Variants in UPK1A observed in about 807,000 individuals in gnomAD.
The protein encoded by UPK1A is uroplakin-1a.
A neutral mutation model predicts 32.3 loss-of-function variants in UPK1A; 31 were observed. The observed-to-expected ratio is 0.96, with a 90% CI of 0.72 to 1.30. The LOEUF is 1.30. Ranked by LOEUF, UPK1A falls within the 50% of genes most tolerant of loss-of-function variation. The pLI, the probability that UPK1A is intolerant of heterozygous loss-of-function variation, is 0.00. For missense variants in UPK1A, 340 were observed against 357.4 expected (o/e 0.95, Z 0.39); for synonymous variants, 135 against 137.1 (o/e 0.98, Z 0.11).
chr19:35,666,631 C>A, intron 1 of UPK1A, 93 bp downstream of exon 1: 2 of 606,190 alleles, frequency 3.3e-6, no homozygotes, highest in Admixed American at 2.9e-5. Context: ...ACTGCCCCAC[C>A]GGAGCCCGGG....
intron 6 of UPK1A, among the ~76,000 whole-genome samples, chr19:35,676,939 G>C (rs1968190589): frequency 6.6e-6 from 1 of 151,698 alleles, no homozygotes; most frequent in Non-Finnish European, 1.5e-5. Context: ...CAAAACAATA[G>C]AGCTAGGCAC....
exon 8 of UPK1A, chr19:35,678,056 T>A: frequency 6.6e-7 from 1 of 1,525,590 alleles, no homozygotes; most frequent in Non-Finnish European, 8.8e-7. Flanking sequence ...CACCCCGGAC[T>A]CCTCCGCATC....
At position 35,666,795 on chromosome 19, in the gene UPK1A, C is replaced by G. The variant is rs1326920202; in HGVS notation, c.-4-14C>G. 1.9e-6 allele frequency: 3 copies of G among 1,613,472 alleles called. No individual in the cohort carries two copies. The highest frequency in any genetic ancestry group is 1.6e-4 in the Middle Eastern group (1 of 6,084). On this transcript the variant is annotated splice_polypyrimidine_tract_variant and intron_variant, in intron 1 of 7. Transcript: ENST00000617999. ...CTTTACGCTCCTGGCCTCATCCCTG[C>G]TCATGTGTCCCAGGATGATGGCGTC... is the stretch of plus-strand genomic sequence containing the variant.
At chr19:35,669,499 TAAA>T (rs34854874) in intron 3 of UPK1A, among the ~76,000 whole-genome samples, 2 of 116,256 alleles carry the variant, frequency 1.7e-5, no homozygotes, top group Non-Finnish European at 3.6e-5. Flanking sequence ...ATCCCATCTC[TAAA>T]AAAAAAAAAA....
exon 1 of UPK1A, chr19:35,666,526 G>A: frequency 2.3e-6 from 1 of 443,978 alleles, no homozygotes. Flanking sequence ...CAGAGAGGCT[G>A]CAGACAGAGA....
intron 2 of UPK1A, 102 bp downstream of exon 2, chr19:35,666,998 C>A: frequency 8.3e-7 from 1 of 1,201,820 alleles, no homozygotes; most frequent in Non-Finnish European, 1.2e-6. Flanking sequence ...GTCTCTCGGG[C>A]AGACTCAGTG....
intron 5 of UPK1A, among the ~76,000 whole-genome samples, chr19:35,674,045 G>GC (rs142081733): frequency 0.082 from 12,397 of 150,498 alleles, 580 homozygotes; most frequent in South Asian, 0.2. Context: ...ATACAGGTGC[G>GC]CCCCACCACA....
rs548931798 is a variant in UPK1A at position 35,677,091 on chromosome 19, G to T, written c.649-721G>T. 2.6e-5 allele frequency among the ~76,000 whole-genome samples: 4 copies of T among 152,076 alleles called. No individual in the cohort carries two copies. The East Asian group carries it at 7.8e-4, about 29-fold the overall frequency. ...TACAGAAAATTAGCCAGGCGTGGTGGTGCGCGCCTGTAATCCCAGCTACTG... is the reference window on the plus strand; with the variant it reads ...TACAGAAAATTAGCCAGGCGTGGTGTTGCGCGCCTGTAATCCCAGCTACTG... On this transcript the variant is annotated intron_variant, in intron 6 of 7. Transcript: ENST00000617999.
At chr19:35,667,719 C>A (rs1237084873) in intron 2 of UPK1A, among the ~76,000 whole-genome samples, 1 of 152,018 alleles carries the variant, frequency 6.6e-6, no homozygotes, top group African/African-American at 2.4e-5. Flanking sequence ...GTCTTGAACT[C>A]CTGACCTGAG....
intron 3 of UPK1A, 50 bp from the exon 4 acceptor site, chr19:35,673,182 G>A (rs1345044257): frequency 6.3e-7 from 1 of 1,588,352 alleles, no homozygotes; most frequent in Non-Finnish European, 8.6e-7. Context: ...CTGACGGGGT[G>A]TGGCTTCACG....
chr19:35,666,670 C>T (rs1275930026), intron 1 of UPK1A, 132 bp downstream of exon 1: 3 of 804,488 alleles, frequency 3.7e-6, no homozygotes, highest in Non-Finnish European at 3.9e-6. Flanking sequence ...GCCTCCCCAC[C>T]AGGGCTGTGG....
At chr19:35,674,522 C>A (rs1968153545) in intron 5 of UPK1A, among the ~76,000 whole-genome samples, 2 of 151,996 alleles carry the variant, frequency 1.3e-5, no homozygotes, top group Non-Finnish European at 2.9e-5. Context: ...CAGGCTTGAG[C>A]CACCGTGCCC....
intron 5 of UPK1A, among the ~76,000 whole-genome samples, chr19:35,675,540 C>G (rs1241197809): frequency 6.6e-6 from 1 of 152,022 alleles, no homozygotes; most frequent in Admixed American, 6.6e-5. Flanking sequence ...CTCGGCCTCC[C>G]AGAGAGCTGG....
intron 6 of UPK1A, chr19:35,676,380 G>A (rs772728401): frequency 1.4e-4 from 50 of 360,076 alleles, no homozygotes; most frequent in Non-Finnish European, 2.5e-4. Flanking sequence ...AGCAGAGACG[G>A]GGTTTGACCA....
chr19:35,674,316 G>A (rs937845975), intron 5 of UPK1A, among the ~76,000 whole-genome samples: 1 of 141,358 alleles, frequency 7.1e-6, no homozygotes, highest in Non-Finnish European at 1.5e-5. Flanking sequence ...GCGCGATCTC[G>A]GCTCACTGCA....
intron 2 of UPK1A, 77 bp from the exon 3 acceptor site, chr19:35,668,377 G>A (rs2146381155): frequency 6.4e-7 from 1 of 1,570,512 alleles, no homozygotes. Context: ...AAATGGGGAG[G>A]GAACTTGCTC....
intron 6 of UPK1A, chr19:35,676,284 G>A (rs1310003508): frequency 1.3e-5 from 8 of 605,598 alleles, no homozygotes; most frequent in South Asian, 3.3e-5. Flanking sequence ...TCTGCCTCCC[G>A]GGTTCAAGGG....
intron 7 of UPK1A, 37 bp downstream of exon 7, chr19:35,677,932 G>A: frequency 6.3e-7 from 1 of 1,589,466 alleles, no homozygotes; most frequent in East Asian, 2.3e-5. Context: ...GGTGGGCTGG[G>A]GGTGGGGGGC....
At chr19:35,672,967 G>C (rs1005063419) in intron 3 of UPK1A, among the ~76,000 whole-genome samples, 3 of 151,298 alleles carry the variant, frequency 2.0e-5, no homozygotes, top group Non-Finnish European at 4.4e-5. Context: ...TCGCCCCCTC[G>C]GCCTCCCAAA....
Sources: allele counts gnomAD v4.1 joint callset (sites outside exome capture counted in the v4.1 genomes callset), GRCh38; gene constraint gnomAD v4.1.1; transcripts MANE v1.5; gene names NCBI Gene and HGNC (gene_info 2026-07-23, HGNC 2026-07-21).